Variants in NLGN1 observed in about 807,000 individuals in gnomAD.
NLGN1 encodes the protein neuroligin-1.
NLGN1 carries 12 observed loss-of-function variants against 65.5 expected under a neutral mutation model. That is an observed-to-expected ratio of 0.18 (90% CI 0.12 to 0.30). The LOEUF (loss-of-function observed/expected upper bound fraction) is 0.30, where lower values mean the gene tolerates loss of function less well. NLGN1 is among the 10% of genes least tolerant of loss of function. The probability of loss-of-function intolerance (pLI) is 1.00; values close to 1 mark genes in which losing one functional copy is unlikely to be tolerated. For missense variants in NLGN1, 750 were observed against 1,007.1 expected (o/e 0.74, Z 3.46); for synonymous variants, 350 against 359.5 (o/e 0.97, Z 0.30).
rs1731013370 is a variant in NLGN1 at position 174,035,833 on chromosome 3, C to A, written c.646+228001C>A. ...CTGCCTGAAGAAATCCAGGTGCTGGCAAGTCTAGATCCTATTATATAGGAT... is the reference window on the plus strand; with the variant it reads ...CTGCCTGAAGAAATCCAGGTGCTGGAAAGTCTAGATCCTATTATATAGGAT... On this transcript the variant is annotated intron_variant, in intron 4 of 6. Transcript: ENST00000457714. 2.0e-5 allele frequency among the ~76,000 whole-genome samples: 3 copies of A among 152,014 alleles called. No homozygotes were observed. The South Asian group carries it at 6.2e-4, about 31-fold the overall frequency.
chr3:174,249,450 A>ACTTT (rs1744390000), intron 4 of NLGN1, among the ~76,000 whole-genome samples: 2 of 152,160 alleles, frequency 1.3e-5, no homozygotes, highest in Non-Finnish European at 2.9e-5. Flanking sequence ...CAAAGAATGG[A>ACTTT]GCTCACAGGG....
chr3:173,820,818 T>C (rs1720144712), intron 4 of NLGN1, among the ~76,000 whole-genome samples: 1 of 152,190 alleles, frequency 6.6e-6, no homozygotes. Context: ...GAAGGATAAC[T>C]ATTCACTTTA....
At chr3:174,243,788 G>A (rs549286821) in intron 4 of NLGN1, among the ~76,000 whole-genome samples, 20 of 152,294 alleles carry the variant, frequency 1.3e-4, no homozygotes, top group Admixed American at 7.2e-4. Context: ...CAACTATCCT[G>A]AGTATACACA....
chr3:173,738,220 G>A (rs6782389), intron 3 of NLGN1, among the ~76,000 whole-genome samples: 131,743 of 151,926 alleles, frequency 0.87, 57,212 homozygotes, highest in East Asian at 1. Flanking sequence ...TTTCTTTGTT[G>A]TAATCATTGT....
chr3:173,832,055 T>C (rs1318220611), intron 4 of NLGN1, among the ~76,000 whole-genome samples: 2 of 151,918 alleles, frequency 1.3e-5, no homozygotes, highest in Non-Finnish European at 2.9e-5. Context: ...CCTCCCAGGC[T>C]TACGCGATCT....
At chr3:174,183,468 T>A (rs569061158) in intron 4 of NLGN1, among the ~76,000 whole-genome samples, 1 of 152,156 alleles carries the variant, frequency 6.6e-6, no homozygotes, top group Non-Finnish European at 1.5e-5. Flanking sequence ...CCGAACTAGC[T>A]ATTTACTCAA....
chr3:173,663,924 T>G (rs1173082923), intron 3 of NLGN1, among the ~76,000 whole-genome samples: 1 of 151,464 alleles, frequency 6.6e-6, no homozygotes, highest in African/African-American at 2.4e-5. Flanking sequence ...TGAGTAGGAG[T>G]ACATTGTTTG....
At chr3:173,423,894 C>T (rs78747424) in intron 1 of NLGN1, among the ~76,000 whole-genome samples, 5,273 of 152,324 alleles carry the variant, frequency 0.035, 137 homozygotes, top group Non-Finnish European at 0.055. Context: ...ATTTCCCTTC[C>T]GCACTTCCGT....
chr3:174,175,650 C>T (rs527682109), intron 4 of NLGN1, among the ~76,000 whole-genome samples: 1 of 151,940 alleles, frequency 6.6e-6, no homozygotes, highest in Admixed American at 6.6e-5. Context: ...CCATCTCACA[C>T]ACACTGAGTG....
At chr3:173,803,474 G>C (rs1179252285) in intron 3 of NLGN1, among the ~76,000 whole-genome samples, 1 of 151,930 alleles carries the variant, frequency 6.6e-6, no homozygotes, top group Non-Finnish European at 1.5e-5. Flanking sequence ...CCAGCATGGT[G>C]GCGAGCACCT....
intron 3 of NLGN1, among the ~76,000 whole-genome samples, chr3:173,742,385 T>A (rs1230242148): frequency 6.8e-6 from 1 of 147,778 alleles, no homozygotes; most frequent in Admixed American, 6.8e-5. Flanking sequence ...TAACACCTGT[T>A]CTAAAATACT....
rs1293741292 is a variant in NLGN1, at chr3:174,233,434, TGAG to T, written c.647-41880_647-41878del. Among the ~76,000 whole-genome samples, 14 of 151,840 alleles carry T rather than the reference TGAG, an allele frequency of 9.2e-5. No homozygotes were observed. The East Asian group carries it at 2.5e-3, about 27-fold the overall frequency. ...CCGGGAGGCAGAGGTTGCAGTGAGC[TGAG>T]ATCACGCCATTGCACTCCAGCTTGG... On this transcript the variant is annotated intron_variant, in intron 4 of 6. Transcript: ENST00000457714.
At chr3:174,238,801 G>A (rs756128550) in intron 4 of NLGN1, among the ~76,000 whole-genome samples, 33 of 152,194 alleles carry the variant, frequency 2.2e-4, no homozygotes, top group Non-Finnish European at 4.0e-4. Context: ...TCCAATTCTT[G>A]TAGTAAATCA....
chr3:173,581,975 C>T (rs74438012), intron 2 of NLGN1, among the ~76,000 whole-genome samples: 1,955 of 152,018 alleles, frequency 0.013, 46 homozygotes, highest in East Asian at 0.11. Context: ...CCACAGTAAC[C>T]TCTACCCTGA....
intron 2 of NLGN1, among the ~76,000 whole-genome samples, chr3:173,577,182 T>C (rs1745627116): frequency 6.6e-6 from 1 of 152,214 alleles, no homozygotes; most frequent in African/African-American, 2.4e-5. Context: ...AGCTATAAGA[T>C]ATATCTTCTA....
intron 3 of NLGN1, among the ~76,000 whole-genome samples, chr3:173,608,777 A>G (rs1050404513): frequency 6.6e-6 from 1 of 151,714 alleles, no homozygotes; most frequent in African/African-American, 2.4e-5. Context: ...ACACATTCAA[A>G]TATGTCATGA....
intron 4 of NLGN1, among the ~76,000 whole-genome samples, chr3:174,255,709 A>G (rs775696311): frequency 7.9e-5 from 12 of 151,222 alleles, no homozygotes; most frequent in Non-Finnish European, 1.3e-4. Flanking sequence ...CCCAGGCCGG[A>G]GTGCAATAGT....
intron 4 of NLGN1, among the ~76,000 whole-genome samples, chr3:174,128,012 T>C (rs1719324378): frequency 6.6e-6 from 1 of 152,172 alleles, no homozygotes; most frequent in South Asian, 2.1e-4. Flanking sequence ...TGTCATTTTC[T>C]CAATGTGTAC....
chr3:173,967,538 A>G (rs981645863), intron 4 of NLGN1, among the ~76,000 whole-genome samples: 4 of 152,208 alleles, frequency 2.6e-5, no homozygotes, highest in African/African-American at 4.8e-5. Context: ...AGTTACGCCA[A>G]ACTATCCTGT....
Sources: gnomAD v4.1 joint callset for allele counts (sites outside exome capture counted in the v4.1 genomes callset) on GRCh38, gnomAD v4.1.1 for gene constraint, MANE v1.5 for transcripts, NCBI Gene and HGNC (gene_info 2026-07-23, HGNC 2026-07-21) for gene names.